Variants in ATP10B observed in about 807,000 individuals in gnomAD.
ATP10B encodes ATPase phospholipid transporting 10B (putative).
Under a neutral mutation model 141.2 loss-of-function variants are expected in ATP10B, and 122 were observed. That is an observed-to-expected ratio of 0.86 (90% CI 0.75 to 1.00). The LOEUF is 1.00. Among genes scored for constraint, ATP10B ranks in the 50% least tolerant of loss-of-function variants. The probability of loss-of-function intolerance (pLI) is 0.00; values close to 1 mark genes in which losing one functional copy is unlikely to be tolerated. For synonymous variants in ATP10B, 685 were observed against 692.0 expected (o/e 0.99, Z 0.16); for missense variants, 1,876 against 1,825.3 (o/e 1.03, Z -0.51).
At chr5:160,818,038 T>C (rs1773802781) in intron 1 of ATP10B, among the ~76,000 whole-genome samples, 1 of 152,094 alleles carries the variant, frequency 6.6e-6, no homozygotes, top group Admixed American at 6.5e-5. Flanking sequence ...CTTAAAACCA[T>C]AAAAACCCTA....
intron 2 of ATP10B, among the ~76,000 whole-genome samples, chr5:160,720,995 G>C (rs991933452): frequency 7.2e-5 from 11 of 152,226 alleles, no homozygotes; most frequent in African/African-American, 2.7e-4. Flanking sequence ...AAGTAAGCCT[G>C]TTGTAAATAC....
chr5:160,568,227 A>T (rs192038696), intron 25 of ATP10B, among the ~76,000 whole-genome samples: 1 of 152,270 alleles, frequency 6.6e-6, no homozygotes, highest in African/African-American at 2.4e-5. Context: ...TCTGGAATTC[A>T]TAAGAGAGGT....
chr5:160,812,045 AGAGAGAGAGAGAGAGGGAGAGG>A (rs1298488039), intron 1 of ATP10B, among the ~76,000 whole-genome samples: 3 of 150,592 alleles, frequency 2.0e-5, no homozygotes, highest in African/African-American at 7.4e-5. Flanking sequence ...AGAGAGAGAG[AGAGAGAGAGAGAGAGGGAGAGG>A]GAGAGAGATT....
rs1754504730 is a variant in ATP10B at position 160,565,843 on chromosome 5, C to T, written c.3996G>A (p.Gln1332=). The change falls in exon 26 of 26, where the codon CAG becomes CAA. Residue 1332 remains glutamine, a synonymous_variant. Coordinates refer to ENST00000327245, the MANE Select transcript of ATP10B (RefSeq NM_025153.3). The part of the protein sequence containing the change: ...TCGKSLISKA[Q]KIDKLPPDKR... Reference sequence around the variant, plus strand: ...TGTCTGGGGGGAGTTTGTCAATTTTCTGAGCTTTTGAGATTAGAGACTTCC... The same window carrying T: ...TGTCTGGGGGGAGTTTGTCAATTTTTTGAGCTTTTGAGATTAGAGACTTCC... The T allele has an allele frequency of 6.2e-7, 1 of 1,613,964 alleles. No individual in the cohort carries two copies. The highest frequency in any genetic ancestry group is 8.5e-7 in the Non-Finnish European group (1 of 1,179,950).
chr5:160,601,390 G>A (rs959806947), intron 21 of ATP10B, among the ~76,000 whole-genome samples: 5 of 152,144 alleles, frequency 3.3e-5, no homozygotes, highest in African/African-American at 1.2e-4. Context: ...TATGCAAAGA[G>A]GAGTCAAATT....
chr5:160,880,244 A>C, the ATP10B span, among the ~76,000 whole-genome samples: 1 of 145,430 alleles, frequency 6.9e-6, no homozygotes, highest in East Asian at 2.0e-4. Flanking sequence ...ATATTTTTAT[A>C]TATTATATAT....
intron 1 of ATP10B, among the ~76,000 whole-genome samples, chr5:160,822,983 C>CATAT (rs1282919442): frequency 7.8e-5 from 7 of 89,980 alleles, no homozygotes; most frequent in Non-Finnish European, 1.2e-4. Flanking sequence ...TAAAAAATTA[C>CATAT]ATATACATAT....
chr5:160,612,841 A>C lies in ATP10B; in HGVS notation c.2738T>G (p.Val913Gly). ...TGTCTCCTGCTTATCTCCAGTCAGGACCCAGAGCTGGATCCCAGCCTCCCG... is the reference window on the plus strand; with the variant it reads ...TGTCTCCTGCTTATCTCCAGTCAGGCCCCAGAGCTGGATCCCAGCCTCCCG... ...TLREAGIQLW[V>G]LTGDKQETAV... is the part of the protein sequence containing the mutation. Residue 913 changes from valine to glycine, a missense_variant, in exon 18 of 26, where the codon GTC (valine) becomes GGC (glycine). By Grantham distance (109) the Val-to-Gly change is moderately radical (BLOSUM62 -3). Transcript: ENST00000327245. The C allele has an allele frequency of 6.2e-7, 1 of 1,614,058 alleles. No homozygotes were observed. The highest frequency in any genetic ancestry group is 8.5e-7 in the Non-Finnish European group (1 of 1,179,986).
chr5:160,766,153 TA>T (rs1769389711), intron 2 of ATP10B, among the ~76,000 whole-genome samples: 1 of 82,660 alleles, frequency 1.2e-5, no homozygotes, highest in Admixed American at 1.4e-4. Context: ...GGAGATTCCT[TA>T]AAGAACTAAA....
At chr5:160,661,863 T>G (rs1026459457) in intron 7 of ATP10B, among the ~76,000 whole-genome samples, 3 of 152,210 alleles carry the variant, frequency 2.0e-5, no homozygotes, top group Non-Finnish European at 4.4e-5. Flanking sequence ...AAATTGTCCC[T>G]GTTTGCAGGT....
chr5:160,720,883 C>A (rs997686980), intron 2 of ATP10B, among the ~76,000 whole-genome samples: 6 of 152,156 alleles, frequency 3.9e-5, no homozygotes, highest in Non-Finnish European at 5.9e-5. Flanking sequence ...AAAAATTATT[C>A]CCTCCCACAA....
chr5:160,867,319 GTAGT>G, the ATP10B span, among the ~76,000 whole-genome samples: 1 of 152,022 alleles, frequency 6.6e-6, no homozygotes, highest in East Asian at 1.9e-4. Flanking sequence ...TTGATGACAG[GTAGT>G]TGTAATGGGA....
chr5:160,804,052 C>G (rs34192476), intron 1 of ATP10B, among the ~76,000 whole-genome samples: 18,893 of 151,946 alleles, frequency 0.12, 1,245 homozygotes, highest in African/African-American at 0.14. Context: ...AGAGCAGATT[C>G]AGTGCAAAAA....
intron 13 of ATP10B, among the ~76,000 whole-genome samples, chr5:160,623,072 T>C (rs28605193): frequency 0.029 from 4,445 of 152,314 alleles, 206 homozygotes; most frequent in African/African-American, 0.1. Flanking sequence ...GCATTTTCAC[T>C]CTTTATTCCC....
the ATP10B span, among the ~76,000 whole-genome samples, chr5:160,879,785 C>T: frequency 6.6e-6 from 1 of 152,034 alleles, no homozygotes; most frequent in Non-Finnish European, 1.5e-5. Flanking sequence ...TTGTAGTGAG[C>T]CGAGATGGCG....
intron 1 of ATP10B, among the ~76,000 whole-genome samples, chr5:160,815,917 G>T (rs1036354312): frequency 5.3e-5 from 8 of 152,004 alleles, no homozygotes; most frequent in African/African-American, 1.7e-4. Context: ...TGACTACTGG[G>T]TACATAACGA....
intron 3 of ATP10B, among the ~76,000 whole-genome samples, chr5:160,706,831 A>C (rs1192182020): frequency 1.3e-5 from 2 of 152,224 alleles, no homozygotes; most frequent in Non-Finnish European, 2.9e-5. Flanking sequence ...ATTAGAAAGT[A>C]TTTCAAATTA....
intron 24 of ATP10B, among the ~76,000 whole-genome samples, chr5:160,571,760 A>C (rs1754888505): frequency 1.3e-5 from 2 of 152,168 alleles, no homozygotes; most frequent in African/African-American, 4.8e-5. Flanking sequence ...TTCATAGGTG[A>C]AAGTTTGGCT....
chr5:160,600,845 C>T (rs966665165), intron 21 of ATP10B, among the ~76,000 whole-genome samples: 6 of 152,322 alleles, frequency 3.9e-5, no homozygotes, highest in South Asian at 4.1e-4. Flanking sequence ...AAATTGGTTT[C>T]ATATGTGGAA....
Sources: allele counts gnomAD v4.1 joint callset (sites outside exome capture counted in the v4.1 genomes callset), GRCh38; gene constraint gnomAD v4.1.1; transcripts MANE v1.5; gene names NCBI Gene and HGNC (gene_info 2026-07-23, HGNC 2026-07-21).